Variants in C7orf78 observed in about 807,000 individuals in gnomAD.
C7orf78 encodes putative uncharacterized protein C7orf78.
the C7orf78 span, among the ~76,000 whole-genome samples, chr7:12,499,090 A>C: frequency 2.6e-5 from 4 of 152,190 alleles, no homozygotes; most frequent in African/African-American, 9.7e-5. Flanking sequence ...GGAAGCGCTA[A>C]ACATGGAAAG....
At chr7:12,505,533 G>A in the C7orf78 span, among the ~76,000 whole-genome samples, 1 of 152,074 alleles carries the variant, frequency 6.6e-6, no homozygotes, top group African/African-American at 2.4e-5. Flanking sequence ...GATCCTTGAG[G>A]TATAAATATA....
the C7orf78 span, among the ~76,000 whole-genome samples, chr7:12,514,576 A>G: frequency 6.6e-6 from 1 of 151,842 alleles, no homozygotes; most frequent in Admixed American, 6.6e-5. Flanking sequence ...TCTTTCTGTC[A>G]TATTGTTCAT....
the C7orf78 span, among the ~76,000 whole-genome samples, chr7:12,498,059 A>G: frequency 1.4e-3 from 208 of 151,926 alleles, no homozygotes; most frequent in Non-Finnish European, 2.1e-3. Flanking sequence ...AACAGAAAGG[A>G]CATCCACACC....
chr7:12,531,313 C>G, the C7orf78 span, among the ~76,000 whole-genome samples: 1 of 152,074 alleles, frequency 6.6e-6, no homozygotes, highest in Non-Finnish European at 1.5e-5. Flanking sequence ...TTCATTGCAA[C>G]CTGTTTCCTA....
the C7orf78 span, among the ~76,000 whole-genome samples, chr7:12,511,918 ATTTTTTTTTT>A: frequency 3.2e-4 from 26 of 80,564 alleles, no homozygotes; most frequent in Admixed American, 8.4e-4. Context: ...CACCTGGCTA[ATTTTTTTTTT>A]TTTTTTTTTT....
chr7:12,530,750 A>C, the C7orf78 span, among the ~76,000 whole-genome samples: 1 of 152,176 alleles, frequency 6.6e-6, no homozygotes, highest in Non-Finnish European at 1.5e-5. Context: ...AAGTTTAGTG[A>C]GTGACACTCA....
the C7orf78 span, among the ~76,000 whole-genome samples, chr7:12,490,768 G>C: frequency 6.6e-6 from 1 of 151,902 alleles, no homozygotes; most frequent in Non-Finnish European, 1.5e-5. Context: ...CTTGCAATCA[G>C]ATTTTTTTTT....
chr7:12,490,029 T>A, the C7orf78 span, among the ~76,000 whole-genome samples: 1 of 152,178 alleles, frequency 6.6e-6, no homozygotes, highest in Non-Finnish European at 1.5e-5. Context: ...TTAGCCTTTT[T>A]TTGAAAATAT....
the C7orf78 span, among the ~76,000 whole-genome samples, chr7:12,498,847 A>C: frequency 2.7e-4 from 41 of 151,346 alleles, no homozygotes; most frequent in African/African-American, 8.2e-4. Flanking sequence ...AGGTCGGGTT[A>C]CCCTCAAAGG....
chr7:12,524,718 C>A, the C7orf78 span, among the ~76,000 whole-genome samples: 2 of 151,966 alleles, frequency 1.3e-5, no homozygotes, highest in African/African-American at 4.8e-5. Flanking sequence ...TAACACGTGC[C>A]TGTAATTCCA....
the C7orf78 span, among the ~76,000 whole-genome samples, chr7:12,528,509 G>C: frequency 3.4e-5 from 5 of 147,402 alleles, 1 homozygote; most frequent in African/African-American, 5.0e-5. Flanking sequence ...AATTGAAATG[G>C]AAAATGTCAG....
At chr7:12,523,585 A>T in the C7orf78 span, among the ~76,000 whole-genome samples, 3 of 152,182 alleles carry the variant, frequency 2.0e-5, no homozygotes, top group African/African-American at 7.2e-5. Context: ...GGTACAATAC[A>T]ATTCACATTT....
At chr7:12,536,617 C>T in the C7orf78 span, among the ~76,000 whole-genome samples, 28 of 152,272 alleles carry the variant, frequency 1.8e-4, no homozygotes, top group Admixed American at 3.3e-4. Context: ...TCAGAAAACG[C>T]TTTTTTTCTT....
the C7orf78 span, among the ~76,000 whole-genome samples, chr7:12,496,891 T>C: frequency 6.6e-6 from 1 of 152,180 alleles, no homozygotes; most frequent in South Asian, 2.1e-4. Context: ...GCCGTTTTCA[T>C]TAGAAATAAA....
the C7orf78 span, among the ~76,000 whole-genome samples, chr7:12,518,686 G>A: frequency 6.6e-6 from 1 of 152,146 alleles, no homozygotes; most frequent in Non-Finnish European, 1.5e-5. Flanking sequence ...CTCAGGCTTG[G>A]AGGTGTGGTG....
the C7orf78 span, among the ~76,000 whole-genome samples, chr7:12,535,533 T>C: frequency 1.3e-5 from 2 of 152,134 alleles, no homozygotes; most frequent in Non-Finnish European, 2.9e-5. Flanking sequence ...AACCATATCA[T>C]TCCACCTCTG....
the C7orf78 span, among the ~76,000 whole-genome samples, chr7:12,517,741 A>G: frequency 3.3e-5 from 5 of 152,018 alleles, no homozygotes; most frequent in South Asian, 2.1e-4. Flanking sequence ...GCTCTTTTTT[A>G]TCATATTTTT....
chr7:12,517,321 C>G, the C7orf78 span, among the ~76,000 whole-genome samples: 1 of 152,062 alleles, frequency 6.6e-6, no homozygotes, highest in Non-Finnish European at 1.5e-5. Flanking sequence ...CTGAGGCCTC[C>G]CCAGCCATGA....
the C7orf78 span, chr7:12,491,173 T>C: frequency 1.3e-5 from 2 of 152,158 alleles, no homozygotes; most frequent in Non-Finnish European, 2.9e-5. Context: ...AGTAAATGGA[T>C]TTCTTATCAT....
Sources: gnomAD v4.1 joint callset for allele counts (sites outside exome capture counted in the v4.1 genomes callset) on GRCh38, gnomAD v4.1.1 for gene constraint, MANE v1.5 for transcripts, NCBI Gene and HGNC (gene_info 2026-07-23, HGNC 2026-07-21) for gene names.